Variants in PTPRD observed in about 807,000 individuals in gnomAD.
PTPRD encodes the protein protein tyrosine phosphatase receptor type D.
Under a neutral mutation model 214.5 loss-of-function variants are expected in PTPRD, and 34 were observed. That is an observed-to-expected ratio of 0.16 (90% CI 0.12 to 0.21). The LOEUF (loss-of-function observed/expected upper bound fraction) is 0.21. PTPRD is among the 10% of genes least tolerant of loss of function. The probability of loss-of-function intolerance (pLI) is 1.00; values close to 1 mark genes in which losing one functional copy is unlikely to be tolerated. For missense variants in PTPRD, 2,545 were observed against 2,398.7 expected, an observed-to-expected ratio of 1.06 and a Z score of -1.27; for synonymous variants, 1,128 against 845.7, an observed-to-expected ratio of 1.33 and a Z score of -5.79.
intron 2 of PTPRD, among the ~76,000 whole-genome samples, chr9:10,564,432 A>C (rs2065023356): frequency 6.7e-6 from 1 of 148,728 alleles, no homozygotes; most frequent in African/African-American, 2.5e-5. Flanking sequence ...GGAACTAAGA[A>C]GGTTGATTAA....
chr9:10,157,082 C>G (rs1428368156), intron 3 of PTPRD, among the ~76,000 whole-genome samples: 6 of 152,130 alleles, frequency 3.9e-5, no homozygotes, highest in Non-Finnish European at 8.8e-5. Context: ...GTTCTATACC[C>G]AGTTTGTCAC....
chr9:10,078,001 T>C (rs1171118778), intron 3 of PTPRD, among the ~76,000 whole-genome samples: 1 of 152,076 alleles, frequency 6.6e-6, no homozygotes, highest in Non-Finnish European at 1.5e-5. Flanking sequence ...AAAATAGTAA[T>C]TGATATATGT....
chr9:9,969,761 G>A (rs978951619), intron 4 of PTPRD, among the ~76,000 whole-genome samples: 1 of 152,168 alleles, frequency 6.6e-6, no homozygotes, highest in African/African-American at 2.4e-5. Flanking sequence ...CATCAAATCT[G>A]TAATTAAATA....
intron 2 of PTPRD, among the ~76,000 whole-genome samples, chr9:10,518,844 T>C (rs2051112056): frequency 6.6e-6 from 1 of 152,116 alleles, no homozygotes; most frequent in South Asian, 2.1e-4. Flanking sequence ...ACATTGTTTT[T>C]TTTTTTTAAA....
At chr9:10,359,639 G>A (rs772192592) in intron 2 of PTPRD, among the ~76,000 whole-genome samples, 1 of 151,990 alleles carries the variant, frequency 6.6e-6, no homozygotes, top group Non-Finnish European at 1.5e-5. Flanking sequence ...CATAAATCTC[G>A]AAAATATCTG....
intron 10 of PTPRD, among the ~76,000 whole-genome samples, chr9:9,103,782 A>G (rs889908436): frequency 1.3e-5 from 2 of 152,220 alleles, no homozygotes; most frequent in African/African-American, 4.8e-5. Flanking sequence ...GGAGTTTGAG[A>G]CCAGCTTGGG....
intron 10 of PTPRD, among the ~76,000 whole-genome samples, chr9:9,075,610 T>C (rs901879421): frequency 2.6e-5 from 4 of 152,052 alleles, no homozygotes; most frequent in Non-Finnish European, 5.9e-5. Context: ...CCACTCTGTG[T>C]CCAAGTGTTC....
intron 14 of PTPRD, among the ~76,000 whole-genome samples, chr9:8,617,639 T>A (rs1257425305): frequency 6.6e-6 from 1 of 152,140 alleles, no homozygotes; most frequent in Non-Finnish European, 1.5e-5. Flanking sequence ...AAAACTACTT[T>A]GTTTTTAAGT....
At position 8,753,751 on chromosome 9, in the gene PTPRD, A is replaced by G. The variant is rs150094390; in HGVS notation, c.-103-19805T>C. On this transcript the variant is annotated intron_variant, in intron 11 of 45. Coordinates refer to ENST00000381196, the MANE Select transcript of PTPRD (RefSeq NM_002839.4). ...TATAAAACACTAAAAATGTAACAAAAGTTCACAAGATTTCTATGCAGAAAA... is the reference window on the plus strand; with the variant it reads ...TATAAAACACTAAAAATGTAACAAAGGTTCACAAGATTTCTATGCAGAAAA... 3.6e-3 allele frequency among the ~76,000 whole-genome samples: 550 copies of G among 152,356 alleles called. 20 individuals are homozygous for G. The East Asian group carries it at 0.08, about 22-fold the overall frequency.
At position 9,099,694 on chromosome 9, in the gene PTPRD, T is replaced by C. The variant is rs113000067; in HGVS notation, c.-142-80959A>G. On this transcript the variant is annotated intron_variant, in intron 10 of 45. Coordinates refer to ENST00000381196, the MANE Select transcript of PTPRD (RefSeq NM_002839.4). The stretch of plus-strand genomic sequence containing the variant: ...CCATACTAGGAAACTACATAGGTGT[T>C]ACTGAAAGCGTCACGCTGTGTAATG... 3.5e-3 allele frequency among the ~76,000 whole-genome samples: 539 copies of C among 152,334 alleles called. 2 individuals carry two copies. The highest frequency in any genetic ancestry group is 0.012 in the African/African-American group (504 of 41,588).
chr9:10,492,559 T>A (rs2040665758), intron 2 of PTPRD, among the ~76,000 whole-genome samples: 1 of 152,158 alleles, frequency 6.6e-6, no homozygotes, highest in South Asian at 2.1e-4. Context: ...TTGATGGGGT[T>A]ATTTGTCTTT....
chr9:8,766,955 A>G (rs867233136), intron 11 of PTPRD, among the ~76,000 whole-genome samples: 13 of 152,296 alleles, frequency 8.5e-5, no homozygotes, highest in African/African-American at 2.9e-4. Context: ...CCTATCAACA[A>G]TGTTAAGTGA....
intron 7 of PTPRD, among the ~76,000 whole-genome samples, chr9:9,655,527 T>C (rs576730686): frequency 7.9e-4 from 119 of 150,600 alleles, no homozygotes; most frequent in African/African-American, 2.9e-3. Flanking sequence ...CGAAATTGCA[T>C]CACTGCACTC....
At chr9:10,120,891 T>A (rs2098769439) in intron 3 of PTPRD, among the ~76,000 whole-genome samples, 1 of 151,848 alleles carries the variant, frequency 6.6e-6, no homozygotes, top group Non-Finnish European at 1.5e-5. Flanking sequence ...ATAATTTCAA[T>A]AGGTTCAAAA....
At chr9:8,970,915 C>CAACA (rs1555626171) in intron 11 of PTPRD, among the ~76,000 whole-genome samples, 1 of 45,054 alleles carries the variant, frequency 2.2e-5, no homozygotes, top group Non-Finnish European at 4.9e-5. Flanking sequence ...CAAAACAAAA[C>CAACA]AAAACAACAA....
intron 2 of PTPRD, among the ~76,000 whole-genome samples, chr9:10,373,470 T>A (rs1227671277): frequency 6.6e-6 from 1 of 152,134 alleles, no homozygotes; most frequent in Non-Finnish European, 1.5e-5. Flanking sequence ...TATTTACTCA[T>A]CATTAATTGA....
chr9:9,404,543 G>A (rs1322801543), intron 8 of PTPRD, among the ~76,000 whole-genome samples: 2 of 152,184 alleles, frequency 1.3e-5, no homozygotes, highest in East Asian at 1.9e-4. Flanking sequence ...GAGCAACACT[G>A]GAATAGGAAA....
intron 10 of PTPRD, among the ~76,000 whole-genome samples, chr9:9,123,445 T>C (rs540204036): frequency 4.1e-4 from 63 of 152,314 alleles, no homozygotes; most frequent in African/African-American, 1.5e-3. Context: ...GACAGCTACA[T>C]GCTATGGAAA....
intron 2 of PTPRD, among the ~76,000 whole-genome samples, chr9:10,594,965 C>G (rs1548269): frequency 1 from 151,613 of 152,070 alleles, 75,579 homozygotes; most frequent in Non-Finnish European, 1. Context: ...TGGGGTGGGG[C>G]AACTTCGGAG....
Sources: gnomAD v4.1 joint callset for allele counts (sites outside exome capture counted in the v4.1 genomes callset) on GRCh38, gnomAD v4.1.1 for gene constraint, MANE v1.5 for transcripts, NCBI Gene and HGNC (gene_info 2026-07-23, HGNC 2026-07-21) for gene names.